ZRANB3: variants seen among roughly 807,000 people sequenced by gnomAD.
ZRANB3 encodes zinc finger RANBP2-type containing 3, also known as DNA annealing helicase and endonuclease ZRANB3.
A neutral mutation model predicts 133.8 loss-of-function variants in ZRANB3; 125 were observed. The ratio of observed to expected loss-of-function variants is 0.93; its 90% CI spans 0.81 to 1.08. The LOEUF (loss-of-function observed/expected upper bound fraction) is 1.08, where lower values mean the gene tolerates loss of function less well. ZRANB3 is among the 50% of genes least tolerant of loss of function. The pLI, the probability that ZRANB3 is intolerant of heterozygous loss-of-function variation, is 0.00. For missense variants in ZRANB3, 1,229 were observed against 1,275.5 expected, an observed-to-expected ratio of 0.96 and a Z score of 0.56; for synonymous variants, 387 against 432.7, an observed-to-expected ratio of 0.89 and a Z score of 1.31.
intron 12 of ZRANB3, among the ~76,000 whole-genome samples, chr2:135,241,627 C>G (rs1049528605): frequency 6.6e-6 from 1 of 151,994 alleles, no homozygotes; most frequent in Non-Finnish European, 1.5e-5. Flanking sequence ...GCAAGAAGAT[C>G]TGATGGGACA....
At chr2:135,433,379 C>T (rs1323374639) in intron 2 of ZRANB3, among the ~76,000 whole-genome samples, 1 of 151,652 alleles carries the variant, frequency 6.6e-6, no homozygotes, top group Non-Finnish European at 1.5e-5. Flanking sequence ...AAAGTGAGAC[C>T]CTGTCTTAAA....
chr2:135,483,336 C>T (rs1165514457), intron 2 of ZRANB3, among the ~76,000 whole-genome samples: 11 of 152,128 alleles, frequency 7.2e-5, no homozygotes, highest in Non-Finnish European at 4.4e-5. Flanking sequence ...TCTTCCTGGT[C>T]TAGTCTTGGG....
At chr2:135,373,201 A>G (rs1686263680) in intron 3 of ZRANB3, among the ~76,000 whole-genome samples, 1 of 152,216 alleles carries the variant, frequency 6.6e-6, no homozygotes, top group Non-Finnish European at 1.5e-5. Flanking sequence ...TCATTTGTTC[A>G]GGAGACATTA....
intron 12 of ZRANB3, among the ~76,000 whole-genome samples, chr2:135,233,042 T>C (rs750709217): frequency 6.6e-6 from 1 of 151,952 alleles, no homozygotes; most frequent in Non-Finnish European, 1.5e-5. Flanking sequence ...TTAAAAACCT[T>C]GAAAAAAAAT....
chr2:135,348,857 G>C (rs1264583776), intron 5 of ZRANB3, among the ~76,000 whole-genome samples: 1 of 152,136 alleles, frequency 6.6e-6, no homozygotes, highest in African/African-American at 2.4e-5. Context: ...GCTTCCCAAA[G>C]TGCTGGGATT....
chr2:135,446,467 A>G (rs184865004), intron 2 of ZRANB3, among the ~76,000 whole-genome samples: 3 of 152,246 alleles, frequency 2.0e-5, no homozygotes, highest in African/African-American at 4.8e-5. Context: ...TGTCATGGAG[A>G]ATGATAGAGA....
At position 135,510,819 on chromosome 2, in the gene ZRANB3, C is replaced by T. The variant is rs534417398; in HGVS notation, c.-7-6323G>A. The T allele has an allele frequency of 4.5e-4, 378 of 849,260 alleles. 4 individuals carry two copies. The South Asian group carries it at 4.7e-3, about 11-fold the overall frequency. 52.6% of individuals were successfully genotyped at this position (849,260 alleles called of 1,614,324 possible). The stretch of plus-strand genomic sequence containing the variant: ...AACAAAACCAAAACTGGGTAATTTC[C>T]CACCACTGTTAATGTGCAACTCCAC... On this transcript the variant is annotated intron_variant, in intron 1 of 20. Coordinates refer to ENST00000264159, the MANE Select transcript of ZRANB3 (RefSeq NM_032143.4).
Position 135,327,278 on chromosome 2 carries a change from T to C in ZRANB3, c.678-11748A>G, listed in dbSNP as rs185685836. 1.4e-3 allele frequency among the ~76,000 whole-genome samples: 207 copies of C among 152,060 alleles called. 1 individual carries two copies. The highest frequency in any genetic ancestry group is 4.6e-3 in the African/African-American group (192 of 41,464). Reference sequence around the variant, plus strand: ...GCTTTCTGCCATGCCTAAAGAAAAATTGGTTTAGATTGGAGCATAACAGAA... The same window carrying C: ...GCTTTCTGCCATGCCTAAAGAAAAACTGGTTTAGATTGGAGCATAACAGAA... On this transcript the variant is annotated intron_variant, in intron 6 of 20. Coordinates refer to ENST00000264159, the MANE Select transcript of ZRANB3 (RefSeq NM_032143.4).
intron 6 of ZRANB3, among the ~76,000 whole-genome samples, chr2:135,335,566 G>A (rs1271740438): frequency 6.6e-6 from 1 of 152,002 alleles, no homozygotes; most frequent in Non-Finnish European, 1.5e-5. Flanking sequence ...GGTGACACAT[G>A]CCTGCAGTCC....
intron 8 of ZRANB3, among the ~76,000 whole-genome samples, chr2:135,297,017 G>A (rs1285343410): frequency 3.3e-5 from 5 of 152,188 alleles, no homozygotes; most frequent in African/African-American, 4.8e-5. Context: ...TAGGCTACTC[G>A]GGGGTCAGGG....
chr2:135,311,277 G>T (rs552427598), intron 8 of ZRANB3, among the ~76,000 whole-genome samples: 1 of 152,042 alleles, frequency 6.6e-6, no homozygotes, highest in African/African-American at 2.4e-5. Flanking sequence ...ACTACATACC[G>T]ACAATAACGG....
intron 3 of ZRANB3, among the ~76,000 whole-genome samples, chr2:135,372,266 C>T (rs936021866): frequency 6.6e-6 from 1 of 152,076 alleles, no homozygotes; most frequent in Admixed American, 6.6e-5. Context: ...TGTCTATAAA[C>T]CATCAGATAC....
intron 8 of ZRANB3, among the ~76,000 whole-genome samples, chr2:135,298,634 G>C (rs1682280383): frequency 6.6e-6 from 1 of 152,134 alleles, no homozygotes; most frequent in Non-Finnish European, 1.5e-5. Flanking sequence ...CTCTGGGCTG[G>C]TACTGGGAAG....
At chr2:135,204,048 G>A (rs1361385191) in intron 19 of ZRANB3, among the ~76,000 whole-genome samples, 1 of 152,186 alleles carries the variant, frequency 6.6e-6, no homozygotes, top group East Asian at 1.9e-4. Context: ...ACGGCTGCTG[G>A]CCATGGGAAC....
At chr2:135,342,004 T>C (rs777503032) in intron 6 of ZRANB3, among the ~76,000 whole-genome samples, 1 of 149,972 alleles carries the variant, frequency 6.7e-6, no homozygotes, top group Non-Finnish European at 1.5e-5. Flanking sequence ...ATTTGCCTTG[T>C]GATATTTTAT....
intron 8 of ZRANB3, among the ~76,000 whole-genome samples, chr2:135,299,321 G>A (rs760226468): frequency 1.3e-5 from 2 of 152,180 alleles, no homozygotes; most frequent in Non-Finnish European, 2.9e-5. Context: ...CCAGCTCCCA[G>A]GCAGCCAGCA....
chr2:135,319,019 G>C (rs1040306479), intron 6 of ZRANB3, among the ~76,000 whole-genome samples: 2 of 152,172 alleles, frequency 1.3e-5, no homozygotes, highest in Non-Finnish European at 2.9e-5. Flanking sequence ...TGCATTGGCA[G>C]TATGCTAAAA....
At chr2:135,456,188 G>T (rs538833305) in intron 2 of ZRANB3, among the ~76,000 whole-genome samples, 1 of 152,286 alleles carries the variant, frequency 6.6e-6, no homozygotes, top group Admixed American at 6.5e-5. Flanking sequence ...TCTGAAAAAG[G>T]AATTTATTTC....
intron 8 of ZRANB3, among the ~76,000 whole-genome samples, chr2:135,304,939 T>C (rs1427729205): frequency 6.6e-6 from 1 of 152,132 alleles, no homozygotes; most frequent in African/African-American, 2.4e-5. Flanking sequence ...TTTTAAGTTT[T>C]ACAAGTTTTA....
Sources: gnomAD v4.1 joint callset for allele counts (sites outside exome capture counted in the v4.1 genomes callset) on GRCh38, gnomAD v4.1.1 for gene constraint, MANE v1.5 for transcripts, NCBI Gene and HGNC (gene_info 2026-07-23, HGNC 2026-07-21) for gene names.